The following ANK2 variants were observed in gnomAD, a reference collection of about 807,000 sequenced individuals.
The protein encoded by ANK2 is ankyrin 2, also known as ankyrin-2.
In ANK2, 83 loss-of-function variants were observed where a neutral mutation model predicts 360.5. The observed-to-expected ratio is 0.23, with a 90% CI of 0.19 to 0.28. The LOEUF is 0.28. ANK2 is among the 10% of genes least tolerant of loss of function. The probability of loss-of-function intolerance (pLI) is 1.00; values close to 1 mark genes in which losing one functional copy is unlikely to be tolerated. For synonymous variants in ANK2, 1,740 were observed against 1,759.5 expected (o/e 0.99, Z 0.28); for missense variants, 4,201 against 4,795.7 (o/e 0.88, Z 3.66).
intron 1 of ANK2, chr4:113,145,573 C>G (rs1481209560): frequency 2.0e-6 from 2 of 1,025,574 alleles, no homozygotes; most frequent in African/African-American, 1.7e-5. Context: ...TGCCTCACCC[C>G]CCTCACTCCA....
chr4:112,895,556 A>T (rs536233778), intron 1 of ANK2, among the ~76,000 whole-genome samples: 7 of 152,018 alleles, frequency 4.6e-5, no homozygotes, highest in African/African-American at 1.2e-4. Context: ...AGTTAAATAG[A>T]TTTTTTTTAA....
At chr4:113,243,358 G>T (rs550289365) in intron 9 of ANK2, among the ~76,000 whole-genome samples, 1 of 152,094 alleles carries the variant, frequency 6.6e-6, no homozygotes, top group Non-Finnish European at 1.5e-5. Context: ...GCAAATCTGG[G>T]GGCTAGCAAA....
At chr4:112,777,910 G>A in the ANK2 span, among the ~76,000 whole-genome samples, 24 of 144,816 alleles carry the variant, frequency 1.7e-4, no homozygotes, top group South Asian at 2.0e-3. Context: ...GAGCCACCGC[G>A]CCCGGCTCAT....
intron 2 of ANK2, among the ~76,000 whole-genome samples, chr4:112,987,442 C>T (rs1204423395): frequency 2.0e-5 from 3 of 152,128 alleles, no homozygotes; most frequent in Non-Finnish European, 4.4e-5. Context: ...AGGCTGAATT[C>T]CTGATCTGCC....
At chr4:112,954,296 C>G (rs1054431620) in intron 2 of ANK2, among the ~76,000 whole-genome samples, 14 of 146,008 alleles carry the variant, frequency 9.6e-5, no homozygotes, top group African/African-American at 3.5e-4. Flanking sequence ...CATGTCAGTC[C>G]TGGTATTAGT....
At chr4:112,746,364 T>C in the ANK2 span, among the ~76,000 whole-genome samples, 6 of 152,018 alleles carry the variant, frequency 3.9e-5, no homozygotes, top group African/African-American at 1.2e-4. Flanking sequence ...GTGGTAGAGT[T>C]ATCTTGGGGG....
At chr4:112,847,514 C>A (rs931563229) in intron 1 of ANK2, among the ~76,000 whole-genome samples, 1 of 152,124 alleles carries the variant, frequency 6.6e-6, no homozygotes, top group African/African-American at 2.4e-5. Flanking sequence ...CCTAACTGGT[C>A]TTCAGCGCAA....
chr4:112,895,120 C>G (rs924016011), intron 1 of ANK2, among the ~76,000 whole-genome samples: 1 of 152,092 alleles, frequency 6.6e-6, no homozygotes, highest in African/African-American at 2.4e-5. Context: ...ACTTAGTTAT[C>G]CTAAATAGTC....
At chr4:113,273,091 C>T (rs145291973) in intron 14 of ANK2, among the ~76,000 whole-genome samples, 4 of 152,090 alleles carry the variant, frequency 2.6e-5, no homozygotes, top group Non-Finnish European at 5.9e-5. Flanking sequence ...CACTTTGTTC[C>T]GACAGGTCTG....
chr4:113,204,116 A>G lies in ANK2; in HGVS notation c.384+5007A>G, dbSNP rs2098904510. On this transcript the variant is annotated intron_variant, in intron 4 of 45. Coordinates refer to ENST00000357077, the MANE Select transcript of ANK2 (RefSeq NM_001148.6). ...ATAATTTTTAGTTCTCATATAAGAG[A>G]ATTTTTTCTTTAGATACTTATTATT... Among the ~76,000 whole-genome samples, 4 of 152,242 alleles carry G rather than the reference A, an allele frequency of 2.6e-5. No individual in the cohort carries two copies. In the South Asian group the frequency reaches 8.3e-4, roughly 32 times the overall value.
At chr4:113,009,367 C>T (rs2053979571) in intron 2 of ANK2, among the ~76,000 whole-genome samples, 1 of 152,078 alleles carries the variant, frequency 6.6e-6, no homozygotes, top group Admixed American at 6.6e-5. Context: ...TATATATTTT[C>T]TCATTCTCCA....
intron 5 of ANK2, among the ~76,000 whole-genome samples, chr4:113,234,101 AC>A (rs1033336368): frequency 2.0e-5 from 3 of 152,232 alleles, no homozygotes; most frequent in African/African-American, 7.2e-5. Context: ...GCTTCTATTT[AC>A]CAAATAGACT....
chr4:112,853,288 C>T (rs1469441350), intron 1 of ANK2, among the ~76,000 whole-genome samples: 3 of 152,104 alleles, frequency 2.0e-5, no homozygotes, highest in East Asian at 1.9e-4. Flanking sequence ...AGGATGGTCT[C>T]GATCTCCTGA....
At chr4:112,814,033 A>G (rs2055475427), upstream of ANK2, among the ~76,000 whole-genome samples, 1 of 152,204 alleles carries the variant, frequency 6.6e-6, no homozygotes, top group Admixed American at 6.5e-5. Flanking sequence ...AGCTTGCATA[A>G]AGGAAACAAA....
chr4:113,278,092 G>C (rs1365063012), intron 16 of ANK2, among the ~76,000 whole-genome samples, 157 bp downstream of exon 16: 1 of 152,108 alleles, frequency 6.6e-6, no homozygotes, highest in Non-Finnish European at 1.5e-5. Flanking sequence ...TGACCGTCCA[G>C]GTACATACAC....
chr4:112,721,109 G>A, the ANK2 span, among the ~76,000 whole-genome samples: 1 of 152,190 alleles, frequency 6.6e-6, no homozygotes, highest in African/African-American at 2.4e-5. Flanking sequence ...TTGTGTACAT[G>A]AAAGGTAGGA....
At chr4:113,341,958 T>C (rs748037307) in intron 33 of ANK2, 42 bp downstream of exon 33, 6 of 1,428,944 alleles carry the variant, frequency 4.2e-6, no homozygotes, top group Admixed American at 3.4e-5. Context: ...TGCCATGTTG[T>C]TATACCTGCA....
intron 1 of ANK2, among the ~76,000 whole-genome samples, chr4:113,088,275 G>A (rs934433937): frequency 6.6e-6 from 1 of 152,168 alleles, no homozygotes; most frequent in African/African-American, 2.4e-5. Context: ...TTTCACAGGT[G>A]CCTTCCTGGC....
At chr4:113,254,796 T>C (rs1301983455) in intron 10 of ANK2, among the ~76,000 whole-genome samples, 3 of 152,236 alleles carry the variant, frequency 2.0e-5, no homozygotes, top group Non-Finnish European at 2.9e-5. Context: ...CAATTTCTGC[T>C]TTGTTGAATG....
Sources: allele counts gnomAD v4.1 joint callset (sites outside exome capture counted in the v4.1 genomes callset), GRCh38; gene constraint gnomAD v4.1.1; transcripts MANE v1.5; gene names NCBI Gene and HGNC (gene_info 2026-07-23, HGNC 2026-07-21).